The following RBFOX1 variants were observed in gnomAD, a reference collection of about 807,000 sequenced individuals.
RBFOX1 encodes RNA binding protein fox-1 homolog 1.
RBFOX1 carries 8 observed loss-of-function variants against 57.7 expected under a neutral mutation model. That is an observed-to-expected ratio of 0.14 (90% CI 0.08 to 0.25). RBFOX1 has a LOEUF of 0.25. Among genes scored for constraint, RBFOX1 ranks in the 10% least tolerant of loss-of-function variants. The pLI is 1.00. For synonymous variants in RBFOX1, 326 were observed against 222.4 expected (o/e 1.47, Z -4.15); for missense variants, 611 against 548.5 (o/e 1.11, Z -1.14).
At chr16:5,689,648 C>T (rs1008647201) in intron 3 of RBFOX1, among the ~76,000 whole-genome samples, 4 of 152,064 alleles carry the variant, frequency 2.6e-5, no homozygotes, top group East Asian at 3.9e-4. Context: ...GGAATTTCTG[C>T]GTTATGGTCA....
At chr16:6,655,559 C>T (rs57635659) in intron 3 of RBFOX1, among the ~76,000 whole-genome samples, 3,301 of 152,056 alleles carry the variant, frequency 0.022, 122 homozygotes, top group African/African-American at 0.075. Context: ...TGTGAATCCC[C>T]TCAGGAAAAG....
At chr16:6,609,469 G>A (rs1050200331) in intron 2 of RBFOX1, among the ~76,000 whole-genome samples, 9 of 152,036 alleles carry the variant, frequency 5.9e-5, no homozygotes, top group South Asian at 2.1e-4. Context: ...TCAGCCTCCC[G>A]AGTAACTGGG....
rs1030707809 is a variant in RBFOX1, at chr16:6,242,101, T to G, written c.-126-74894T>G. 2.0e-5 allele frequency among the ~76,000 whole-genome samples: 3 copies of G among 152,348 alleles called. No homozygotes were observed. The East Asian group carries it at 5.8e-4, about 29-fold the overall frequency. ...CACCTCCCAAAGGTGGTTTTTAATG[T>G]ATCTTTGCGTAAAATTTCCATTCAT... On this transcript the variant is annotated intron_variant, in intron 1 of 15. Coordinates refer to ENST00000550418, the MANE Select transcript of RBFOX1 (RefSeq NM_018723.4).
chr16:5,625,725 T>G (rs1055608265), intron 3 of RBFOX1, among the ~76,000 whole-genome samples: 3 of 150,756 alleles, frequency 2.0e-5, no homozygotes, highest in Non-Finnish European at 4.4e-5. Context: ...GCTCAGCAAA[T>G]TTTTGTATTT....
intron 4 of RBFOX1, among the ~76,000 whole-genome samples, chr16:7,362,084 AG>A: frequency 7.0e-6 from 1 of 142,594 alleles, no homozygotes; most frequent in African/African-American, 2.7e-5. Context: ...TTTTGGTGTT[AG>A]TTTGCATATG....
At chr16:5,407,077 C>T (rs1471224147) in intron 1 of RBFOX1, among the ~76,000 whole-genome samples, 1 of 152,064 alleles carries the variant, frequency 6.6e-6, no homozygotes, top group African/African-American at 2.4e-5. Flanking sequence ...GGGGAGGCCT[C>T]AGGAAACTTA....
chr16:5,562,448 G>A (rs73526316), intron 2 of RBFOX1, among the ~76,000 whole-genome samples: 10,561 of 152,178 alleles, frequency 0.069, 813 homozygotes, highest in African/African-American at 0.19. Flanking sequence ...GGCCAGGGCT[G>A]CAGTGAGATA....
At chr16:6,578,339 C>A (rs896976295) in intron 2 of RBFOX1, among the ~76,000 whole-genome samples, 1 of 152,172 alleles carries the variant, frequency 6.6e-6, no homozygotes, top group African/African-American at 2.4e-5. Flanking sequence ...GTTAGCGAAG[C>A]AATGTCCCCG....
At chr16:7,145,325 C>G (rs1385991330) in intron 4 of RBFOX1, among the ~76,000 whole-genome samples, 2 of 152,172 alleles carry the variant, frequency 1.3e-5, no homozygotes, top group African/African-American at 4.8e-5. Flanking sequence ...CTGCCTTAGC[C>G]TCCCGATTAG....
intron 1 of RBFOX1, among the ~76,000 whole-genome samples, chr16:6,295,384 A>C (rs986931178): frequency 6.6e-6 from 1 of 152,136 alleles, no homozygotes; most frequent in African/African-American, 2.4e-5. Context: ...TTGGCCTCCC[A>C]AAGTGCTGGG....
At chr16:6,953,138 A>G (rs1568051993) in intron 3 of RBFOX1, among the ~76,000 whole-genome samples, 1 of 152,140 alleles carries the variant, frequency 6.6e-6, no homozygotes, top group Admixed American at 6.6e-5. Flanking sequence ...AGGTGTATGT[A>G]TGCCTCTTTC....
intron 3 of RBFOX1, among the ~76,000 whole-genome samples, chr16:6,863,361 C>T (rs958463189): frequency 6.6e-6 from 1 of 151,972 alleles, no homozygotes; most frequent in African/African-American, 2.4e-5. Flanking sequence ...GGTGGTGACT[C>T]ACTAATCTTC....
intron 3 of RBFOX1, among the ~76,000 whole-genome samples, chr16:6,855,714 T>G (rs2057734820): frequency 6.6e-6 from 1 of 152,056 alleles, no homozygotes; most frequent in Admixed American, 6.5e-5. Flanking sequence ...AAACCTTGAT[T>G]GCACTTCCTA....
chr16:7,314,588 A>G (rs1233879578), intron 4 of RBFOX1, among the ~76,000 whole-genome samples: 1 of 152,194 alleles, frequency 6.6e-6, no homozygotes, highest in Non-Finnish European at 1.5e-5. Flanking sequence ...GGTTTGTTTC[A>G]CAGTGGCATC....
At chr16:6,456,342 C>T (rs2094772309) in intron 2 of RBFOX1, among the ~76,000 whole-genome samples, 2 of 152,024 alleles carry the variant, frequency 1.3e-5, no homozygotes, top group Admixed American at 1.3e-4. Flanking sequence ...GGTGTCTCAC[C>T]CTGTCTTCCA....
chr16:6,846,997 G>A (rs760447173), intron 3 of RBFOX1, among the ~76,000 whole-genome samples: 11 of 151,818 alleles, frequency 7.2e-5, no homozygotes, highest in Non-Finnish European at 1.5e-4. Context: ...CTGTGTTCTT[G>A]TTGGGGAAAA....
chr16:7,577,870 G>A (rs577022820), intron 5 of RBFOX1, among the ~76,000 whole-genome samples: 1 of 152,334 alleles, frequency 6.6e-6, no homozygotes, highest in South Asian at 2.1e-4. Context: ...ATTCCAGCCT[G>A]AGTGACAGAG....
At chr16:6,253,393 A>G (rs988607640) in intron 1 of RBFOX1, among the ~76,000 whole-genome samples, 1 of 151,982 alleles carries the variant, frequency 6.6e-6, no homozygotes, top group African/African-American at 2.4e-5. Flanking sequence ...CTCCTGGGGA[A>G]CTCACAGCAA....
chr16:5,895,612 A>G (rs2058145133), intron 4 of RBFOX1, among the ~76,000 whole-genome samples: 2 of 152,220 alleles, frequency 1.3e-5, no homozygotes, highest in Admixed American at 6.5e-5. Context: ...CAGAATCACA[A>G]AAGCTGGTTT....
Sources: gnomAD v4.1 joint callset for allele counts (sites outside exome capture counted in the v4.1 genomes callset) on GRCh38, gnomAD v4.1.1 for gene constraint, MANE v1.5 for transcripts, NCBI Gene and HGNC (gene_info 2026-07-23, HGNC 2026-07-21) for gene names.